The following ATP6V0A1 variants were observed in gnomAD, a reference collection of about 807,000 sequenced individuals.
ATP6V0A1 encodes ATPase H+ transporting V0 subunit a1, also known as V-type proton ATPase 116 kDa subunit a 1.
ATP6V0A1 carries 43 observed loss-of-function variants against 105.4 expected under a neutral mutation model. The ratio of observed to expected loss-of-function variants is 0.41; its 90% CI spans 0.32 to 0.53. ATP6V0A1 has a LOEUF of 0.53. Among genes scored for constraint, ATP6V0A1 ranks in the 20% least tolerant of loss-of-function variants. The pLI is 0.30. For synonymous variants in ATP6V0A1, 362 were observed against 372.8 expected, an observed-to-expected ratio of 0.97 and a Z score of 0.33; for missense variants, 676 against 1,051.1, an observed-to-expected ratio of 0.64 and a Z score of 4.93.
chr17:42,482,450 G>C (rs1052032025), intron 8 of ATP6V0A1, among the ~76,000 whole-genome samples: 7 of 151,958 alleles, frequency 4.6e-5, no homozygotes, highest in African/African-American at 1.7e-4. Flanking sequence ...CCTGGTCTAG[G>C]GGCAGAATTT....
chr17:42,503,321 A>T (rs2091820351), intron 17 of ATP6V0A1, among the ~76,000 whole-genome samples: 1 of 152,216 alleles, frequency 6.6e-6, no homozygotes, highest in Non-Finnish European at 1.5e-5. Flanking sequence ...GATCTTTTTT[A>T]GTAGTAACTT....
intron 9 of ATP6V0A1, among the ~76,000 whole-genome samples, chr17:42,485,659 A>G (rs1454207786): frequency 6.6e-6 from 1 of 152,070 alleles, no homozygotes; most frequent in Non-Finnish European, 1.5e-5. Flanking sequence ...GGCTCAAACA[A>G]TCTGTCTCAG....
At chr17:42,495,812 T>A in intron 14 of ATP6V0A1, 96 bp downstream of exon 14, 1 of 1,116,636 alleles carries the variant, frequency 9.0e-7, no homozygotes, top group Middle Eastern at 2.0e-4. Context: ...TATGTGGGCT[T>A]TCACTGGGCA....
At chr17:42,490,704 T>C in intron 11 of ATP6V0A1, 67 bp downstream of exon 11, 1 of 1,506,914 alleles carries the variant, frequency 6.6e-7, no homozygotes, top group Non-Finnish European at 8.9e-7. Context: ...TTTGGTTTGT[T>C]TTGAGACAGA....
intron 10 of ATP6V0A1, among the ~76,000 whole-genome samples, chr17:42,490,044 T>G (rs1287441360): frequency 6.6e-6 from 1 of 152,140 alleles, no homozygotes; most frequent in East Asian, 1.9e-4. Context: ...TCACTTTGCC[T>G]AAGCATGCTC....
chr17:42,496,704 G>A (rs1056715423), intron 14 of ATP6V0A1, among the ~76,000 whole-genome samples: 4 of 152,092 alleles, frequency 2.6e-5, no homozygotes, highest in Non-Finnish European at 5.9e-5. Context: ...AGCTGGGCAC[G>A]GTGGCATATG....
chr17:42,460,067 A>T (rs1161165545), intron 1 of ATP6V0A1: 1 of 152,212 alleles, frequency 6.6e-6, no homozygotes, highest in Admixed American at 6.5e-5. Context: ...CGAAACCTTT[A>T]TTGGCTCATG....
In ATP6V0A1 at chr17:42,468,047, G is replaced by C; in HGVS notation, c.234G>C (p.Pro78=). ...VEKEIRKANI[P]IMDTGENPEV... ...AAGAGATAAGAAAAGCTAACATTCC[G>C]ATTATGGACACCGGTGAAAACCCAG... Residue 78 remains proline (P), a synonymous_variant, in exon 4 of 22, where the codon CCG becomes CCC. Coordinates refer to ENST00000343619, the MANE Select transcript of ATP6V0A1 (RefSeq NM_001130021.3). 6.2e-7 allele frequency: 1 copy of C among 1,605,310 alleles called. No homozygotes were observed.
At position 42,478,541 on chromosome 17, in the gene ATP6V0A1, G is replaced by A. The variant is rs1485096625; in HGVS notation, c.585G>A (p.Val195=). 4.4e-6 allele frequency: 7 copies of A among 1,607,406 alleles called. No individual in the cohort carries two copies. The highest frequency in any genetic ancestry group is 2.3e-5 in the East Asian group (1 of 44,406). The change falls in exon 7 of 22, where the codon GTG becomes GTA. Residue 195 remains valine, a synonymous_variant. Coordinates refer to ENST00000343619, the MANE Select transcript of ATP6V0A1 (RefSeq NM_001130021.3). ...TTTGGCGGGTATGCCGGGGAAATGT[G>A]TTCCTGCGACAGGCTGAAATCGAGA... is the stretch of plus-strand genomic sequence containing the variant. ...RMLWRVCRGN[V]FLRQAEIENP... is the part of the protein sequence containing the mutation.
intron 15 of ATP6V0A1, among the ~76,000 whole-genome samples, chr17:42,499,601 A>C (rs531892027): frequency 6.6e-6 from 1 of 152,174 alleles, no homozygotes; most frequent in South Asian, 2.1e-4. Flanking sequence ...AGCCTGGCCC[A>C]CATGGTGAAA....
chr17:42,510,526 A>T (rs543060815), intron 19 of ATP6V0A1: 1 of 152,318 alleles, frequency 6.6e-6, no homozygotes, highest in Non-Finnish European at 1.5e-5. Context: ...CCACCAGCAT[A>T]TGCAGCTTCA....
rs1420514550 is a variant in ATP6V0A1, at chr17:42,521,599, A to G, written c.*479A>G. On this transcript the variant is annotated 3_prime_UTR_variant, in exon 22 of 22. Transcript: ENST00000343619. This position sits in a 1 kb window ranked among gnomAD's most constrained non-coding sequence, Gnocchi z 4.8. ...CACTGGTAACATGTCCCACTCTTGGATTAGCAGGGGTGGGTCCAGGAAGAT... is the reference window on the plus strand; with the variant it reads ...CACTGGTAACATGTCCCACTCTTGGGTTAGCAGGGGTGGGTCCAGGAAGAT... The G allele has an allele frequency of 6.6e-6, 1 of 152,518 alleles. No individual in the cohort carries two copies. Among genetic ancestry groups the G allele is most frequent in the Non-Finnish European group, 1.5e-5 (1 of 68,186 alleles). 9.4% of individuals were successfully genotyped at this position (152,518 alleles called of 1,614,324 possible). A position where few individuals can be genotyped will look rare whatever the true frequency, so the allele number is the denominator to read the frequency against.
At chr17:42,485,324 C>A (rs1207946781) in intron 9 of ATP6V0A1, among the ~76,000 whole-genome samples, 1 of 152,186 alleles carries the variant, frequency 6.6e-6, no homozygotes, top group Admixed American at 6.5e-5. Context: ...CTGTCTTAAT[C>A]TCCTTCCAGA....
At chr17:42,494,034 A>AG in intron 11 of ATP6V0A1, among the ~76,000 whole-genome samples, 1 of 152,036 alleles carries the variant, frequency 6.6e-6, no homozygotes, top group East Asian at 1.9e-4. Flanking sequence ...ACTTGAGGTC[A>AG]GAGTCGGAGA....
In ATP6V0A1 at chr17:42,517,302, C is replaced by CA. The variant is rs894786855; in HGVS notation, c.2420+2844dup. On this transcript the variant is annotated intron_variant, in intron 21 of 21. Coordinates refer to ENST00000343619, the MANE Select transcript of ATP6V0A1 (RefSeq NM_001130021.3). ...CTCAAAACAACAACAACAACAACAA[C>CA]AACAAAAAAACCTGGGATGCCCTAG... 6.0e-5 allele frequency among the ~76,000 whole-genome samples: 9 copies of CA among 149,550 alleles called. No homozygotes were observed. The South Asian group carries it at 1.2e-3, about 21-fold the overall frequency.
In ATP6V0A1 at chr17:42,507,437, G is replaced by A. The variant is rs532031667; in HGVS notation, c.2005-83G>A. ...AGACATATGCTTTTCTGAGGTTTGT[G>A]TTACTAACCATCGCCCTTCCCACCT... On this transcript the variant is annotated intron_variant, in intron 17 of 21. Coordinates refer to ENST00000343619, the MANE Select transcript of ATP6V0A1 (RefSeq NM_001130021.3). 27 of 947,322 alleles carry A rather than the reference G, an allele frequency of 2.9e-5. No homozygotes were observed. The South Asian group carries it at 4.0e-4, about 14-fold the overall frequency. The allele number at this position is 947,322 out of a possible 1,614,324, so 58.7% of individuals were successfully genotyped here.
intron 5 of ATP6V0A1, chr17:42,471,461 T>G (rs1034872261): frequency 5.8e-4 from 86 of 148,270 alleles, no homozygotes; most frequent in African/African-American, 2.0e-3. Context: ...TGGTTGGGCA[T>G]GGTGGCTCAC....
chr17:42,488,279 A>G (rs2090303690), intron 10 of ATP6V0A1, among the ~76,000 whole-genome samples: 3 of 152,228 alleles, frequency 2.0e-5, no homozygotes, highest in Non-Finnish European at 4.4e-5. Flanking sequence ...GTATGTTTGG[A>G]CAAGAACAGG....
intron 2 of ATP6V0A1, among the ~76,000 whole-genome samples, chr17:42,464,765 G>A (rs1400448375): frequency 6.6e-6 from 1 of 152,078 alleles, no homozygotes; most frequent in Non-Finnish European, 1.5e-5. Flanking sequence ...ACGTGATTAA[G>A]CTAATAAATT....
Sources: gnomAD v4.1 joint callset for allele counts (sites outside exome capture counted in the v4.1 genomes callset) on GRCh38, gnomAD v4.1.1 for gene constraint, Gnocchi (gnomAD v3.1) non-coding constraint, MANE v1.5 for transcripts, NCBI Gene and HGNC (gene_info 2026-07-23, HGNC 2026-07-21) for gene names.